The following PCM1 variants were observed in gnomAD, a reference collection of about 807,000 sequenced individuals.
PCM1 encodes the protein pericentriolar material 1, also known as pericentriolar material 1 protein.
PCM1 carries 157 observed loss-of-function variants against 241.9 expected under a neutral mutation model. The observed-to-expected ratio is 0.65, with a 90% confidence interval of 0.57 to 0.74. PCM1 has a LOEUF of 0.74. PCM1 is among the 30% of genes least tolerant of loss of function. PCM1 has a pLI of 0.00. For synonymous variants in PCM1, 1,085 were observed against 784.9 expected (o/e 1.38, Z -6.39); for missense variants, 3,478 against 2,360.1 (o/e 1.47, Z -9.81).
At chr8:18,025,939 T>A (rs1022125241) in intron 38 of PCM1, among the ~76,000 whole-genome samples, 4 of 151,370 alleles carry the variant, frequency 2.6e-5, no homozygotes, top group Non-Finnish European at 5.9e-5. Context: ...CCAAGGCGGG[T>A]GGATCACGAG....
intron 2 of PCM1, among the ~76,000 whole-genome samples, chr8:17,928,259 G>C (rs550388242): frequency 6.6e-6 from 1 of 152,192 alleles, no homozygotes; most frequent in African/African-American, 2.4e-5. Context: ...TGTAGTATGT[G>C]TTATATGAGT....
intron 38 of PCM1, among the ~76,000 whole-genome samples, chr8:18,026,495 G>C (rs908267672): frequency 1.3e-5 from 2 of 151,720 alleles, no homozygotes; most frequent in Non-Finnish European, 2.9e-5. Context: ...TCCTGACCTC[G>C]TGATCCGCCT....
chr8:17,951,603 C>A (rs947143811), intron 8 of PCM1, among the ~76,000 whole-genome samples: 1 of 152,078 alleles, frequency 6.6e-6, no homozygotes, highest in Admixed American at 6.5e-5. Flanking sequence ...CTAATGAATA[C>A]AAAATTCAAG....
intron 11 of PCM1, 114 bp from the exon 12 acceptor site, chr8:17,957,150 G>T (rs532618774): frequency 1.3e-6 from 1 of 760,320 alleles, no homozygotes; most frequent in Non-Finnish European, 2.1e-6. Context: ...AATTTAAATG[G>T]AATAGCCAAC....
At chr8:17,990,948 T>C (rs2084390526) in intron 27 of PCM1, among the ~76,000 whole-genome samples, 1 of 152,134 alleles carries the variant, frequency 6.6e-6, no homozygotes, top group Admixed American at 6.5e-5. Context: ...AGAGAAAAAT[T>C]ACTGTGTGGC....
chr8:17,976,669 C>A (rs902783613), intron 23 of PCM1, among the ~76,000 whole-genome samples: 1 of 152,158 alleles, frequency 6.6e-6, no homozygotes, highest in Non-Finnish European at 1.5e-5. Flanking sequence ...TCTTTCCCTT[C>A]AGTGGAGGCT....
At chr8:17,947,716 C>G (rs1480701410) in intron 7 of PCM1, among the ~76,000 whole-genome samples, 1 of 152,058 alleles carries the variant, frequency 6.6e-6, no homozygotes, top group African/African-American at 2.4e-5. Flanking sequence ...GATTGTCATT[C>G]TTTGCTTGCC....
rs371110976 is a variant in PCM1, at chr8:18,014,599, G to A, written c.5600G>A (p.Cys1867Tyr). 4 of 1,607,290 alleles carry A rather than the reference G, an allele frequency of 2.5e-6. No homozygotes were observed. The highest frequency in any genetic ancestry group is 2.7e-5 in the African/African-American group (2 of 74,728). The change falls in exon 36 of 39, where the codon TGT (cysteine) becomes TAT (tyrosine). Residue 1867 changes from cysteine (C) to tyrosine (Y), a missense_variant. Transcript: ENST00000325083. ...TTGATGACAGATGACCAAAATAACT[G>A]TCCTGTGAAACCCTGTTACCTCAAT... Reference protein sequence around the residue: ...EATSKNDQNNCPVKPCYLNIL... With the variant: ...EATSKNDQNNYPVKPCYLNIL...
intron 36 of PCM1, among the ~76,000 whole-genome samples, chr8:18,022,572 G>A (rs921004434): frequency 2.0e-5 from 3 of 152,156 alleles, no homozygotes; most frequent in Non-Finnish European, 2.9e-5. Flanking sequence ...GACTGACTTC[G>A]CACTGGGAAG....
intron 24 of PCM1, among the ~76,000 whole-genome samples, chr8:17,984,412 C>T (rs57077727): frequency 0.029 from 4,331 of 151,906 alleles, 185 homozygotes; most frequent in African/African-American, 0.099. Context: ...CTTAAAACTA[C>T]GAGAACTTTA....
rs771295196 is a variant in PCM1 at position 17,950,645 on chromosome 8, G to A, written c.992G>A (p.Gly331Asp). 9 of 1,604,294 alleles carry A rather than the reference G, an allele frequency of 5.6e-6. 1 individual carries two copies. The South Asian group carries it at 8.9e-5, about 16-fold the overall frequency. ...VVAETAGSLS[G>D]VSITSELNEE... ...GCAGAAACTGCAGGTAGCTTATCTG[G>A]CGTCAGTATCACATCTGAACTAAAT... is the stretch of plus-strand genomic sequence containing the variant. The change falls in exon 8 of 39, where the codon GGC (glycine) becomes GAC (aspartate). Residue 331 changes from glycine to aspartate, a missense_variant. Transcript: ENST00000325083.
At chr8:17,940,642 G>A (rs1487475447) in intron 6 of PCM1, among the ~76,000 whole-genome samples, 2 of 152,128 alleles carry the variant, frequency 1.3e-5, no homozygotes, top group East Asian at 3.9e-4. Context: ...CTGAAAAATC[G>A]AGAGAAAGAC....
rs1416480573 is a variant in PCM1 at position 17,960,420 on chromosome 8, G to A, written c.2298G>A (p.Leu766=). 2 of 1,603,092 alleles carry A rather than the reference G, an allele frequency of 1.2e-6. No individual in the cohort carries two copies. Among genetic ancestry groups the A allele is most frequent in the Non-Finnish European group, 1.7e-6 (2 of 1,176,240 alleles). Residue 766 remains leucine, a synonymous_variant, in exon 15 of 39, where the codon TTG becomes TTA. Coordinates refer to ENST00000325083, the MANE Select transcript of PCM1 (RefSeq NM_006197.4). The stretch of plus-strand genomic sequence containing the variant: ...ACATTCAGGAGAAAATTCAAGCATT[G>A]CAAACGGCATGCCCTGACTTACAGG... The part of the protein sequence containing the change: ...LIDIQEKIQA[L]QTACPDLQLS...
chr8:18,012,161 A>G (rs1254691911), intron 34 of PCM1, among the ~76,000 whole-genome samples: 1 of 152,100 alleles, frequency 6.6e-6, no homozygotes, highest in Non-Finnish European at 1.5e-5. Context: ...CACCCATCCA[A>G]TAATTTATAC....
chr8:17,959,930 A>G lies in PCM1; in HGVS notation c.2041-84A>G, dbSNP rs181069176. 2,340 of 1,272,720 alleles carry G rather than the reference A, an allele frequency of 1.8e-3. 11 individuals are homozygous for G. The highest frequency in any genetic ancestry group is 3.7e-3 in the South Asian group (263 of 70,998). The allele number at this position is 1,272,720 out of a possible 1,614,324, so 78.8% of individuals were successfully genotyped here. A position where few individuals can be genotyped will look rare whatever the true frequency, so the allele number is the denominator to read the frequency against. On this transcript the variant is annotated intron_variant, in intron 13 of 38. Coordinates refer to ENST00000325083, the MANE Select transcript of PCM1 (RefSeq NM_006197.4). Reference sequence around the variant, plus strand: ...GCTTTAATCTTTTTATGTAAATTTTACAGACTAGTGGTATTTACTAAGGTA... The same window carrying G: ...GCTTTAATCTTTTTATGTAAATTTTGCAGACTAGTGGTATTTACTAAGGTA...
chr8:17,976,729 A>G (rs1002060654), intron 23 of PCM1, among the ~76,000 whole-genome samples: 2 of 152,202 alleles, frequency 1.3e-5, no homozygotes, highest in African/African-American at 4.8e-5. Context: ...CATGCTGAGA[A>G]AAACAGAATG....
intron 28 of PCM1, among the ~76,000 whole-genome samples, chr8:17,992,217 A>C (rs927715653): frequency 6.6e-6 from 1 of 152,330 alleles, no homozygotes; most frequent in South Asian, 2.1e-4. Context: ...ACGTGCAAGT[A>C]TCTTTTTCAT....
chr8:18,012,941 G>A (rs886558912), intron 34 of PCM1, among the ~76,000 whole-genome samples: 3 of 152,028 alleles, frequency 2.0e-5, no homozygotes, highest in African/African-American at 7.2e-5. Flanking sequence ...TTTCACAGAA[G>A]CATTACCTTC....
At chr8:17,967,691 A>G (rs1434837189) in intron 21 of PCM1, among the ~76,000 whole-genome samples, 1 of 152,212 alleles carries the variant, frequency 6.6e-6, no homozygotes, top group Non-Finnish European at 1.5e-5. Context: ...TGCTTCAACT[A>G]TTTATTAAGA....
Sources: allele counts gnomAD v4.1 joint callset (sites outside exome capture counted in the v4.1 genomes callset), GRCh38; gene constraint gnomAD v4.1.1; transcripts MANE v1.5; gene names NCBI Gene and HGNC (gene_info 2026-07-23, HGNC 2026-07-21).